Variants in EFHD1 observed in about 807,000 individuals in gnomAD.
EFHD1 encodes EF-hand domain family member D1.
A neutral mutation model predicts 17.2 loss-of-function variants in EFHD1; 10 were observed. The ratio of observed to expected loss-of-function variants is 0.58; its 90% CI spans 0.36 to 0.99. The LOEUF (loss-of-function observed/expected upper bound fraction) is 0.99, where lower values mean the gene tolerates loss of function less well. Among genes scored for constraint, EFHD1 ranks in the 50% least tolerant of loss-of-function variants. The probability of loss-of-function intolerance (pLI) is 0.01; values close to 1 mark genes in which losing one functional copy is unlikely to be tolerated. For synonymous variants in EFHD1, 153 were observed against 142.0 expected, an observed-to-expected ratio of 1.08 and a Z score of -0.55; for missense variants, 310 against 327.5, an observed-to-expected ratio of 0.95 and a Z score of 0.41.
intron 2 of EFHD1, among the ~76,000 whole-genome samples, chr2:232,666,334 G>A (rs1409584503): frequency 2.0e-5 from 3 of 152,210 alleles, no homozygotes; most frequent in African/African-American, 7.2e-5. Context: ...CTTCACAGCT[G>A]CCCTGTTTGG....
intron 3 of EFHD1, 70 bp from the exon 4 acceptor site, chr2:232,681,515 A>G (rs1013781922): frequency 1.3e-6 from 2 of 1,558,842 alleles, no homozygotes; most frequent in African/African-American, 2.7e-5. Context: ...CTGTTGGCTC[A>G]GGTGTCAGCA....
At chr2:232,631,349 A>G (rs979340664), upstream of EFHD1, among the ~76,000 whole-genome samples, 1 of 151,620 alleles carries the variant, frequency 6.6e-6, no homozygotes, top group African/African-American at 2.4e-5. Context: ...CACCCAGGCT[A>G]GAGTGCAGTG....
At chr2:232,636,186 A>G (rs547472419) in intron 1 of EFHD1, among the ~76,000 whole-genome samples, 6 of 152,306 alleles carry the variant, frequency 3.9e-5, no homozygotes, top group African/African-American at 1.4e-4. Context: ...AATGTAACAC[A>G]CCAATTTGTT....
chr2:232,633,896 CA>C lies in EFHD1; in HGVS notation c.193del (p.Ile65SerfsTer48). ...GCGCCCAGCTGAGCCGGCGGCTGGA[CA>C]TCAACGAGGGCGCTGCGCGGCCCCG... is the stretch of plus-strand genomic sequence containing the variant. Reference protein sequence around the residue: ...LSAQLSRRLDINEGAARPRRC... With the variant: ...LSAQLSRRLDXNEGAARPRRC... On this transcript the variant is annotated frameshift_variant, in exon 1 of 4. Coordinates refer to ENST00000264059, the MANE Select transcript of EFHD1 (RefSeq NM_025202.4). LOFTEE classifies it high-confidence loss of function. 6.4e-7 allele frequency: 1 copy of C among 1,568,570 alleles called. No individual in the cohort carries two copies. Among genetic ancestry groups the C allele is most frequent in the Non-Finnish European group, 8.6e-7 (1 of 1,167,512 alleles).
At chr2:232,624,442 C>T (rs993051442) in intron 1 of EFHD1, among the ~76,000 whole-genome samples, 1 of 152,252 alleles carries the variant, frequency 6.6e-6, no homozygotes, top group Non-Finnish European at 1.5e-5. Flanking sequence ...ATTCTTGATG[C>T]CTGATTCTCT....
intron 3 of EFHD1, among the ~76,000 whole-genome samples, chr2:232,679,072 A>G (rs1695228638): frequency 6.6e-6 from 1 of 151,712 alleles, no homozygotes; most frequent in Non-Finnish European, 1.5e-5. Context: ...GACAGGAAAG[A>G]AAAAAAAAGT....
At chr2:232,659,486 CA>C (rs1559351790) in intron 1 of EFHD1, among the ~76,000 whole-genome samples, 1 of 152,082 alleles carries the variant, frequency 6.6e-6, no homozygotes, top group Non-Finnish European at 1.5e-5. Flanking sequence ...AGGAATGGCA[CA>C]AGTTGGCCAC....
At chr2:232,681,544 C>T in intron 3 of EFHD1, 41 bp from the exon 4 acceptor site, 1 of 1,600,696 alleles carries the variant, frequency 6.2e-7, no homozygotes, top group Non-Finnish European at 8.5e-7. Context: ...GTCCTCTGCC[C>T]TCCCTTACTC....
chr2:232,646,180 G>A (rs954159093), intron 1 of EFHD1, among the ~76,000 whole-genome samples: 2 of 152,056 alleles, frequency 1.3e-5, no homozygotes, highest in African/African-American at 4.8e-5. Flanking sequence ...GTTGGGGTGG[G>A]GCAATATACA....
rs117941059 is a variant in EFHD1, at chr2:232,622,118, C to G, written c.14+15945C>G. Among the ~76,000 whole-genome samples the G allele has an allele frequency of 7.0e-3, 1,073 of 152,308 alleles. 36 individuals are homozygous for G. The highest frequency in any genetic ancestry group is 0.059 in the Admixed American group (905 of 15,298). ...ATGACCCTTCTCTACAAAGGGTAGA[C>G]AGCCCTACCCACTACCACGGAATTC... On this transcript the variant is annotated intron_variant, in intron 1 of 3. Coordinates refer to the EFHD1 transcript ENST00000409613.
In EFHD1 at chr2:232,606,076, C is replaced by T. The variant is rs1307024237; in HGVS notation, c.-84C>T. On this transcript the variant is annotated 5_prime_UTR_variant, in exon 1 of 4. Coordinates refer to the EFHD1 transcript ENST00000409613. ...AGCCCCGCTAAGTGCAGGCGGATAC[C>T]CCGGCCTTGGCGGCTGCTTGCCTTT... 2.7e-6 allele frequency: 4 copies of T among 1,475,320 alleles called. No homozygotes were observed. In the African/African-American group the frequency reaches 5.6e-5, roughly 21 times the overall value. The allele number at this position is 1,475,320 out of a possible 1,614,324, so 91.4% of individuals were successfully genotyped here.
rs1553593998 is a variant in EFHD1 at position 232,613,625 on chromosome 2, C to CACACAT, written c.14+7457_14+7458insTACACA. On this transcript the variant is annotated intron_variant, in intron 1 of 3. Coordinates refer to the EFHD1 transcript ENST00000409613. ...AACCACACACACACACACACACACA[C>CACACAT]ACACACATATACACACACATACACA... Among the ~76,000 whole-genome samples, 25 of 120,168 alleles carry CACACAT rather than the reference C, an allele frequency of 2.1e-4. No individual in the cohort carries two copies. The South Asian group carries it at 6.3e-3, about 30-fold the overall frequency. 78.8% of individuals were successfully genotyped at this position (120,168 alleles called of 152,430 possible).
upstream of EFHD1, among the ~76,000 whole-genome samples, chr2:232,631,282 T>C (rs1306241545): frequency 1.3e-5 from 2 of 150,034 alleles, no homozygotes; most frequent in Admixed American, 6.6e-5. Flanking sequence ...CTCTCTCTCT[T>C]TCTTTCTCTC....
At chr2:232,661,496 A>T (rs987649127) in intron 1 of EFHD1, among the ~76,000 whole-genome samples, 1 of 151,822 alleles carries the variant, frequency 6.6e-6, no homozygotes, top group African/African-American at 2.4e-5. Flanking sequence ...TTTTATTGCC[A>T]AATAATATTC....
chr2:232,635,508 A>G (rs138770791), intron 1 of EFHD1, among the ~76,000 whole-genome samples: 332 of 152,304 alleles, frequency 2.2e-3, no homozygotes, highest in African/African-American at 7.7e-3. Flanking sequence ...GTGAGCAAAC[A>G]GGTACTGGAC....
intron 1 of EFHD1, among the ~76,000 whole-genome samples, chr2:232,647,346 C>T (rs544432331): frequency 6.6e-6 from 1 of 152,330 alleles, no homozygotes; most frequent in Non-Finnish European, 1.5e-5. Flanking sequence ...GATGGCCTGG[C>T]GCCCTGTAGT....
Position 232,681,393 on chromosome 2 carries a change from T to C in EFHD1, c.586-192T>C, listed in dbSNP as rs372336529. 3.3e-5 allele frequency among the ~76,000 whole-genome samples: 5 copies of C among 152,198 alleles called. No homozygotes were observed. The East Asian group carries it at 7.7e-4, about 24-fold the overall frequency. On this transcript the variant is annotated intron_variant, in intron 3 of 3. Coordinates refer to ENST00000264059, the MANE Select transcript of EFHD1 (RefSeq NM_025202.4). ...AACAAATACAGTGATGTGTTAGAGA[T>C]GGTGTCTGCGCCAACAGAAAGCAAC...
At chr2:232,647,885 C>T (rs956761124) in intron 1 of EFHD1, among the ~76,000 whole-genome samples, 8 of 152,134 alleles carry the variant, frequency 5.3e-5, no homozygotes, top group African/African-American at 1.9e-4. Context: ...GATCCACCCA[C>T]CTCGGCCTCC....
chr2:232,658,015 C>T (rs563256003), intron 1 of EFHD1, among the ~76,000 whole-genome samples: 1 of 150,276 alleles, frequency 6.7e-6, no homozygotes, highest in South Asian at 2.1e-4. Context: ...ATTCTTCTGC[C>T]TCAGCCTCCT....
Sources: allele counts gnomAD v4.1 joint callset (sites outside exome capture counted in the v4.1 genomes callset), GRCh38; gene constraint gnomAD v4.1.1; transcripts MANE v1.5; gene names NCBI Gene and HGNC (gene_info 2026-07-23, HGNC 2026-07-21).